Variants in NCAPG2 observed in about 807,000 individuals in gnomAD.
NCAPG2 encodes condensin-2 complex subunit G2.
Under a neutral mutation model 141.1 loss-of-function variants are expected in NCAPG2, and 53 were observed. That is an observed-to-expected ratio of 0.38 (90% CI 0.30 to 0.47). NCAPG2 has a LOEUF of 0.47. NCAPG2 is among the 20% of genes least tolerant of loss of function. The probability of loss-of-function intolerance (pLI) is 0.99; values close to 1 mark genes in which losing one functional copy is unlikely to be tolerated. For synonymous variants in NCAPG2, 499 were observed against 490.7 expected, an observed-to-expected ratio of 1.02 and a Z score of -0.22; for missense variants, 1,087 against 1,389.0, an observed-to-expected ratio of 0.78 and a Z score of 3.46.
At chr7:158,660,397 C>CTTTTT (rs1563525366) in intron 16 of NCAPG2, among the ~76,000 whole-genome samples, 6 of 111,258 alleles carry the variant, frequency 5.4e-5, no homozygotes, top group African/African-American at 2.5e-4. Flanking sequence ...ATTATTTCAG[C>CTTTTT]TTTCTTTTTT....
intron 21 of NCAPG2, 186 bp from the exon 22 acceptor site, chr7:158,654,880 AT>A (rs1164329013): frequency 8.2e-7 from 1 of 1,220,604 alleles, no homozygotes; most frequent in Non-Finnish European, 1.1e-6. Flanking sequence ...CTAGAGACAT[AT>A]TTTATGTAAT....
At chr7:158,664,083 C>T (rs927110265) in intron 15 of NCAPG2, 101 bp downstream of exon 15, 1 of 947,202 alleles carries the variant, frequency 1.1e-6, no homozygotes, top group Non-Finnish European at 1.7e-6. Context: ...ATTAACAATA[C>T]TAAAGGAACA....
In NCAPG2 at chr7:158,662,252, T is replaced by G; in HGVS notation, c.1931A>C (p.Lys644Thr). ...DRSMENNKEA[K>T]LYTINKFASV... Reference sequence around the variant, plus strand: ...GGCAAACTTGTTAATCGTGTAAAGTTTGGCCTCTTTATTATTTTCCATACT... The same window carrying G: ...GGCAAACTTGTTAATCGTGTAAAGTGTGGCCTCTTTATTATTTTCCATACT... The change falls in exon 16 of 28, where the codon AAA (lysine) becomes ACA (threonine). Residue 644 changes from lysine (K) to threonine (T), a missense_variant. Lys to Thr is a moderately conservative substitution (Grantham distance 78, BLOSUM62 -1). Coordinates refer to ENST00000356309, the MANE Select transcript of NCAPG2 (RefSeq NM_017760.7). 6.2e-7 allele frequency: 1 copy of G among 1,610,106 alleles called. No homozygotes were observed. Among genetic ancestry groups the G allele is most frequent in the Non-Finnish European group, 8.5e-7 (1 of 1,178,710 alleles).
intron 4 of NCAPG2, 75 bp downstream of exon 4, chr7:158,692,763 GAATA>G: frequency 1.1e-6 from 1 of 947,104 alleles, no homozygotes; most frequent in Non-Finnish European, 1.7e-6. Context: ...ATAAATGAAT[GAATA>G]AATAAAAACA....
chr7:158,680,697 G>A (rs200893981), intron 10 of NCAPG2, 24 bp downstream of exon 10: 110 of 1,428,988 alleles, frequency 7.7e-5, no homozygotes, highest in Non-Finnish European at 9.8e-5. Context: ...TTCCAAACAC[G>A]GATAAACTAT....
Position 158,643,627 on chromosome 7 carries a change from A to G in NCAPG2, c.3380+662T>C, listed in dbSNP as rs1830794468. 2.0e-5 allele frequency among the ~76,000 whole-genome samples: 3 copies of G among 152,246 alleles called. No homozygotes were observed. In the South Asian group the frequency reaches 6.2e-4, roughly 31 times the overall value. The stretch of plus-strand genomic sequence containing the variant: ...CTTTCTCCAGAGGAAGTAGCTATGG[A>G]GAGTGGTTTGTTTCCCTGGCAAAGG... On this transcript the variant is annotated intron_variant, in intron 27 of 27. Coordinates refer to ENST00000356309, the MANE Select transcript of NCAPG2 (RefSeq NM_017760.7).
intron 27 of NCAPG2, among the ~76,000 whole-genome samples, chr7:158,632,771 CTTT>C (rs1829972656): frequency 1.3e-5 from 2 of 152,280 alleles, no homozygotes; most frequent in South Asian, 4.1e-4. Context: ...GACCTTGCTT[CTTT>C]TTATTTTTTT....
At chr7:158,690,517 C>G (rs575979470) in intron 5 of NCAPG2, 51 bp downstream of exon 5, 6 of 1,556,260 alleles carry the variant, frequency 3.9e-6, no homozygotes, top group Non-Finnish European at 5.3e-6. Flanking sequence ...TGCACTCCAT[C>G]TGGGCAATAG....
intron 23 of NCAPG2, 129 bp downstream of exon 23, chr7:158,652,163 AG>A: frequency 1.1e-6 from 1 of 899,752 alleles, no homozygotes; most frequent in Non-Finnish European, 1.7e-6. Context: ...CCTCGCCAGC[AG>A]GGACCTCCCA....
chr7:158,674,836 G>T (rs1373277345), intron 12 of NCAPG2, among the ~76,000 whole-genome samples: 1 of 152,208 alleles, frequency 6.6e-6, no homozygotes, highest in East Asian at 1.9e-4. Flanking sequence ...AGTACCTCAA[G>T]AAATTCTCTG....
At chr7:158,674,391 A>G (rs1833929814) in intron 12 of NCAPG2, among the ~76,000 whole-genome samples, 1 of 151,546 alleles carries the variant, frequency 6.6e-6, no homozygotes, top group African/African-American at 2.4e-5. Flanking sequence ...CGCTCAAGCC[A>G]TCCTCCCACC....
intron 11 of NCAPG2, among the ~76,000 whole-genome samples, chr7:158,676,205 C>T (rs1341682852): frequency 6.6e-6 from 1 of 152,100 alleles, no homozygotes; most frequent in Non-Finnish European, 1.5e-5. Flanking sequence ...CATTTAACTA[C>T]CAATTTATAG....
At chr7:158,664,350 A>G in intron 14 of NCAPG2, 54 bp from the exon 15 acceptor site, 1 of 1,547,938 alleles carries the variant, frequency 6.5e-7, no homozygotes, top group Non-Finnish European at 8.9e-7. Flanking sequence ...CTACAAAATT[A>G]ACTATCTGAT....
chr7:158,701,865 G>A lies in NCAPG2; in HGVS notation c.35C>T (p.Ser12Phe), dbSNP rs1443843404. 1 of 1,613,728 alleles carries A rather than the reference G, an allele frequency of 6.2e-7. No individual in the cohort carries two copies. The highest frequency in any genetic ancestry group is 8.5e-7 in the Non-Finnish European group (1 of 1,179,940). ...EKRETFVQAV[S>F]KELVGEFLQF... ...CAAAAACTCTCCAACCAGCTCCTTA[G>A]ACACGGCTTGTACAAACGTCTCACG... The change falls in exon 2 of 28, where the codon TCT (serine) becomes TTT (phenylalanine). Residue 12 changes from serine to phenylalanine, a missense_variant. By Grantham distance (155) the Ser-to-Phe change is radical (BLOSUM62 -2). Transcript: ENST00000356309.
chr7:158,665,582 CT>C (rs1265180679), intron 13 of NCAPG2, among the ~76,000 whole-genome samples: 1 of 152,182 alleles, frequency 6.6e-6, no homozygotes, highest in Admixed American at 6.5e-5. Flanking sequence ...TCAATTGGAT[CT>C]TTCTTCTTTA....
rs774264384 is a variant in NCAPG2 at position 158,655,364 on chromosome 7, C to T, written c.2480G>A (p.Arg827His). ...CTTGTGCTGAAGATGGATGCTCAGGCGACAGTGGAGACCAAAGGCTCGCGG... is the reference window on the plus strand; with the variant it reads ...CTTGTGCTGAAGATGGATGCTCAGGTGACAGTGGAGACCAAAGGCTCGCGG... The part of the protein sequence containing the change: ...AAPRAFGLHC[R>H]LSIHLQHKFC... The change falls in exon 20 of 28, where the codon CGC (arginine) becomes CAC (histidine). Residue 827 changes from arginine to histidine, a missense_variant. Coordinates refer to ENST00000356309, the MANE Select transcript of NCAPG2 (RefSeq NM_017760.7). The T allele has an allele frequency of 1.5e-5, 24 of 1,614,046 alleles. No homozygotes were observed. Among genetic ancestry groups the T allele is most frequent in the Non-Finnish European group, 1.9e-5 (22 of 1,180,040 alleles).
In NCAPG2 at chr7:158,675,359, CA is replaced by C. The variant is rs1833988811; in HGVS notation, c.1326+117del. On this transcript the variant is annotated intron_variant, in intron 12 of 27. Transcript: ENST00000356309. ...ACCTTACTTTGGATATATGACAGGT[CA>C]AAAATGTTATCTTTGTGGAGTAGGA... is the stretch of plus-strand genomic sequence containing the variant. 5.2e-6 allele frequency: 6 copies of C among 1,143,938 alleles called. No homozygotes were observed. The East Asian group carries it at 8.4e-5, about 16-fold the overall frequency. The allele number at this position is 1,143,938 out of a possible 1,614,324, so 70.9% of individuals were successfully genotyped here.
At chr7:158,671,410 ATCAGT>A (rs1833675156) in intron 13 of NCAPG2, 99 bp downstream of exon 13, 3 of 1,349,966 alleles carry the variant, frequency 2.2e-6, no homozygotes, top group Non-Finnish European at 3.1e-6. Flanking sequence ...GTCAAATCAT[ATCAGT>A]TATCAGTTTA....
At position 158,692,842 on chromosome 7, in the gene NCAPG2, C is replaced by T; in HGVS notation, c.382G>A (p.Gly128Ser). 1 of 1,505,716 alleles carries T rather than the reference C, an allele frequency of 6.6e-7. No homozygotes were observed. The allele number at this position is 1,505,716 out of a possible 1,614,324, so 93.3% of individuals were successfully genotyped here. A position where few individuals can be genotyped will look rare whatever the true frequency, so the allele number is the denominator to read the frequency against. Residue 128 changes from glycine to serine, a missense_variant and splice_region_variant, in exon 4 of 28, where the codon GGT (glycine) becomes AGT (serine). Coordinates refer to ENST00000356309, the MANE Select transcript of NCAPG2 (RefSeq NM_017760.7). Reference protein sequence around the residue: ...ALLECVIILNGILYALPESER... With the variant: ...ALLECVIILNSILYALPESER... Reference sequence around the variant, plus strand: ...GCCATTTATAACAAAATCAACTCACCATTTAATATAATAACACATTCCAGT... The same window carrying T: ...GCCATTTATAACAAAATCAACTCACTATTTAATATAATAACACATTCCAGT...
Sources: allele counts gnomAD v4.1 joint callset (sites outside exome capture counted in the v4.1 genomes callset), GRCh38; gene constraint gnomAD v4.1.1; transcripts MANE v1.5; gene names NCBI Gene and HGNC (gene_info 2026-07-23, HGNC 2026-07-21).